Variants in INTS7 observed in about 807,000 individuals in gnomAD.
INTS7 encodes integrator complex subunit 7.
A neutral mutation model predicts 109.2 loss-of-function variants in INTS7; 46 were observed. That is an observed-to-expected ratio of 0.42 (90% confidence interval 0.33 to 0.54). The LOEUF (loss-of-function observed/expected upper bound fraction) is 0.54, where lower values mean the gene tolerates loss of function less well. Ranked by LOEUF, INTS7 falls within the 20% of genes least tolerant of loss-of-function variation. INTS7 has a pLI of 0.07. For missense variants in INTS7, 929 were observed against 1,132.4 expected (o/e 0.82, Z 2.58); for synonymous variants, 412 against 402.9 (o/e 1.02, Z -0.27).
At chr1:212,019,506 T>C (rs1571912340) in intron 3 of INTS7, among the ~76,000 whole-genome samples, 1 of 152,004 alleles carries the variant, frequency 6.6e-6, no homozygotes, top group African/African-American at 2.4e-5. Context: ...AGGTCAGAAA[T>C]GAACACTATA....
At chr1:211,981,805 A>C (rs1253106949) in intron 9 of INTS7, among the ~76,000 whole-genome samples, 1 of 152,224 alleles carries the variant, frequency 6.6e-6, no homozygotes, top group African/African-American at 2.4e-5. Flanking sequence ...TTAGGTTAAT[A>C]TATTTCAGTG....
At position 212,035,401 on chromosome 1, in the gene INTS7, C is replaced by T; in HGVS notation, c.37G>A (p.Ala13Thr). Residue 13 changes from alanine to threonine, a missense_variant, in exon 1 of 20, where the codon GCC (alanine) becomes ACC (threonine). Physicochemically the swap from Ala to Thr is moderately conservative, Grantham distance 58. Coordinates refer to ENST00000366994, the MANE Select transcript of INTS7 (RefSeq NM_015434.4). ...SNSTKSFLADAGYGEQELDAN... is the reference protein window; with the variant it reads ...SNSTKSFLADTGYGEQELDAN... ...TCCAGTTCCTGTTCGCCATAGCCGG[C>T]ATCTGCCAGGAAAGACTTAGTTGAG... 6.2e-7 allele frequency: 1 copy of T among 1,613,994 alleles called. No homozygotes were observed. Among genetic ancestry groups the T allele is most frequent in the Non-Finnish European group, 8.5e-7 (1 of 1,179,822 alleles).
At chr1:211,950,203 T>C (rs1360563001) in intron 17 of INTS7, among the ~76,000 whole-genome samples, 1 of 152,230 alleles carries the variant, frequency 6.6e-6, no homozygotes. Flanking sequence ...GAACTGAATC[T>C]GGAGGCTCAG....
chr1:211,966,357 T>G, intron 16 of INTS7, 73 bp downstream of exon 16: 1 of 854,512 alleles, frequency 1.2e-6, no homozygotes, highest in Non-Finnish European at 1.9e-6. Flanking sequence ...TCCAAAATAG[T>G]CTTCTGATGA....
chr1:212,020,270 T>G lies in INTS7; in HGVS notation c.225-2A>C. The G allele has an allele frequency of 6.5e-7, 1 of 1,541,906 alleles. No individual in the cohort carries two copies. The highest frequency in any genetic ancestry group is 8.8e-7 in the Non-Finnish European group (1 of 1,137,546). ...ACACATAGCCTCAGGAAATTATTTC[T>G]AGAAAAACCAGAAATAAATTAGGTC... On this transcript the variant is annotated splice_acceptor_variant, in intron 2 of 19. Coordinates refer to ENST00000366994, the MANE Select transcript of INTS7 (RefSeq NM_015434.4). LOFTEE classifies it high-confidence loss of function.
In INTS7 at chr1:211,976,733, A is replaced by G; in HGVS notation, c.1471-14T>C. 1.2e-6 allele frequency: 2 copies of G among 1,613,630 alleles called. No individual in the cohort carries two copies. Among genetic ancestry groups the G allele is most frequent in the Non-Finnish European group, 1.7e-6 (2 of 1,179,552 alleles). On this transcript the variant is annotated splice_polypyrimidine_tract_variant and intron_variant, in intron 11 of 19. Transcript: ENST00000366994. ...AGCCAAACTCACCTAACATTGGGCA[A>G]GAAGAAAACCAAGAAAATCATTTAA... is the stretch of plus-strand genomic sequence containing the variant.
chr1:211,996,896 C>T (rs1665417688), intron 7 of INTS7, among the ~76,000 whole-genome samples: 1 of 152,016 alleles, frequency 6.6e-6, no homozygotes, highest in South Asian at 2.1e-4. Context: ...TGTTGGTGTG[C>T]ACCTGTGGTT....
intron 5 of INTS7, among the ~76,000 whole-genome samples, chr1:212,009,084 G>A (rs903387601): frequency 3.3e-5 from 5 of 152,058 alleles, no homozygotes; most frequent in African/African-American, 9.7e-5. Flanking sequence ...AGGGAGGCTC[G>A]GAGATTTTAC....
intron 7 of INTS7, among the ~76,000 whole-genome samples, chr1:211,995,926 G>A (rs541412847): frequency 2.0e-5 from 3 of 152,268 alleles, no homozygotes; most frequent in East Asian, 3.9e-4. Flanking sequence ...AGAAATGTCC[G>A]AAATAAATTT....
intron 8 of INTS7, among the ~76,000 whole-genome samples, chr1:211,985,609 AAAAG>A (rs1664860516): frequency 6.6e-6 from 1 of 152,222 alleles, no homozygotes; most frequent in Non-Finnish European, 1.5e-5. Flanking sequence ...AAAATAAAGA[AAAAG>A]AAAGTTATTG....
chr1:211,958,054 A>G (rs1663447705), intron 16 of INTS7, among the ~76,000 whole-genome samples: 1 of 133,504 alleles, frequency 7.5e-6, no homozygotes, highest in Non-Finnish European at 1.7e-5. Flanking sequence ...AAACGGTCAA[A>G]TATCTTTTTA....
Position 212,020,201 on chromosome 1 carries a change from G to A in INTS7, c.292C>T (p.Leu98=). ...CTCTTCACAAATTCATCCACATTTA[G>A]AATCTTCTCCAAATGTTTCTCACTT... ...QQSEKHLEKI[L]NVDEFVKRIF... Residue 98 remains leucine (L), a synonymous_variant, in exon 3 of 20, where the codon CTA becomes TTA. Transcript: ENST00000366994. 1 of 1,605,868 alleles carries A rather than the reference G, an allele frequency of 6.2e-7. No individual in the cohort carries two copies. Among genetic ancestry groups the A allele is most frequent in the South Asian group, 1.1e-5 (1 of 90,326 alleles).
intron 7 of INTS7, among the ~76,000 whole-genome samples, chr1:211,994,583 C>T (rs1402271350): frequency 6.6e-6 from 1 of 151,554 alleles, no homozygotes; most frequent in African/African-American, 2.4e-5. Context: ...ACCACCACAC[C>T]CAGTTACTTT....
rs1324902259 is a variant in INTS7, at chr1:211,959,600, T to G, written c.2183+6830A>C. ...CCTCCCCAGCCCCACAAGTGCACGT[T>G]CACCTTGCCCTGCCACTGCTGCTGG... is the stretch of plus-strand genomic sequence containing the variant. On this transcript the variant is annotated intron_variant, in intron 16 of 19. Transcript: ENST00000366994. The surrounding 1 kb of genome is among the most constrained non-coding windows in gnomAD (Gnocchi z 4.2). Among the ~76,000 whole-genome samples, 1 of 152,146 alleles carries G rather than the reference T, an allele frequency of 6.6e-6. No homozygotes were observed. The highest frequency in any genetic ancestry group is 1.5e-5 in the Non-Finnish European group (1 of 68,004).
At chr1:212,009,740 G>C (rs552442648) in intron 5 of INTS7, among the ~76,000 whole-genome samples, 1 of 152,286 alleles carries the variant, frequency 6.6e-6, no homozygotes, top group African/African-American at 2.4e-5. Context: ...TTCCTGCTGA[G>C]ATCTTGTCTG....
At position 211,985,037 on chromosome 1, in the gene INTS7, T is replaced by C. The variant is rs189977942; in HGVS notation, c.998-2227A>G. Among the ~76,000 whole-genome samples, 39 of 152,322 alleles carry C rather than the reference T, an allele frequency of 2.6e-4. No individual in the cohort carries two copies. In the East Asian group the frequency reaches 3.1e-3, roughly 12 times the overall value. ...TGTATATATGCCATTTCTCAATGTG[T>C]GACTATGTAAATAAGATAAATTCCT... is the stretch of plus-strand genomic sequence containing the variant. On this transcript the variant is annotated intron_variant, in intron 8 of 19. Transcript: ENST00000366994.
At position 211,978,359 on chromosome 1, in the gene INTS7, C is replaced by T. The variant is rs144249214; in HGVS notation, c.1383G>A (p.Pro461=). Residue 461 remains proline (P), a synonymous_variant, in exon 11 of 20, where the codon CCG becomes CCA. Coordinates refer to ENST00000366994, the MANE Select transcript of INTS7 (RefSeq NM_015434.4). ...CACCAAGCATCCCATCACCCAGCACCGGCAGTTGCATGGCAATGGCTGCCA... is the reference window on the plus strand; with the variant it reads ...CACCAAGCATCCCATCACCCAGCACTGGCAGTTGCATGGCAATGGCTGCCA... ...HCLAAIAMQL[P]VLGDGMLGDL... 431 of 1,614,158 alleles carry T rather than the reference C, an allele frequency of 2.7e-4. No homozygotes were observed. The highest frequency in any genetic ancestry group is 3.4e-4 in the Non-Finnish European group (401 of 1,180,038).
chr1:211,961,407 A>G (rs965465320), intron 16 of INTS7, among the ~76,000 whole-genome samples: 5 of 151,842 alleles, frequency 3.3e-5, no homozygotes, highest in African/African-American at 4.8e-5. Flanking sequence ...AAGCCAGAAG[A>G]GACTGTGGGC....
intron 1 of INTS7, among the ~76,000 whole-genome samples, chr1:212,029,423 A>C (rs1253670829): frequency 6.6e-6 from 1 of 152,222 alleles, no homozygotes; most frequent in African/African-American, 2.4e-5. Context: ...GCCATGGCAG[A>C]ACTGTGAGTG....
Sources: allele counts gnomAD v4.1 joint callset (sites outside exome capture counted in the v4.1 genomes callset), GRCh38; gene constraint gnomAD v4.1.1; non-coding constraint Gnocchi (gnomAD v3.1); transcripts MANE v1.5; gene names NCBI Gene and HGNC (gene_info 2026-07-23, HGNC 2026-07-21).